The following CFAP97D2 variants were observed in gnomAD, a reference collection of about 807,000 sequenced individuals.
CFAP97D2 encodes uncharacterized protein CFAP97D2.
At chr13:114,192,726 A>G (rs2080874188) in intron 1 of CFAP97D2, among the ~76,000 whole-genome samples, 1 of 152,252 alleles carries the variant, frequency 6.6e-6, no homozygotes, top group African/African-American at 2.4e-5. Context: ...AAACATTCAT[A>G]AAATAATATC....
intron 1 of CFAP97D2, among the ~76,000 whole-genome samples, chr13:114,193,218 A>G (rs192182209): frequency 6.7e-4 from 102 of 152,334 alleles, no homozygotes; most frequent in Admixed American, 4.2e-3. Context: ...AAAACAATCA[A>G]TGGAAAAACT....
At chr13:114,198,207 G>A (rs1275042057) in intron 2 of CFAP97D2, among the ~76,000 whole-genome samples, 2 of 152,112 alleles carry the variant, frequency 1.3e-5, no homozygotes, top group Non-Finnish European at 2.9e-5. Flanking sequence ...AGGATGGTCT[G>A]ATCTCCTGAC....
At chr13:114,222,970 G>A (rs189776026), downstream of CFAP97D2, 43 of 158,316 alleles carry the variant, frequency 2.7e-4, no homozygotes, top group Admixed American at 6.5e-4. This position sits in a 1 kb window ranked among gnomAD's most constrained non-coding sequence, Gnocchi z 4.4. Context: ...TTGAGCTGTG[G>A]TGGATTTGTC....
At chr13:114,214,076 A>C (rs2080983217) in intron 4 of CFAP97D2, 1 of 152,642 alleles carries the variant, frequency 6.6e-6, no homozygotes, top group African/African-American at 2.4e-5. Flanking sequence ...CACAGACCCC[A>C]ACCCCGGACA....
chr13:114,209,750 A>T (rs1337181161), intron 3 of CFAP97D2, among the ~76,000 whole-genome samples: 1 of 152,184 alleles, frequency 6.6e-6, no homozygotes, highest in Admixed American at 6.5e-5. Context: ...TTGTGTGTTG[A>T]CCTGTCTACT....
chr13:114,211,208 GC>G lies in CFAP97D2; in HGVS notation c.291-698del, dbSNP rs1403712951. ...AACCCCTACTCTAGGCGCTTCCGCA[GC>G]CCCCCATGGCTCCCTCTCCATCCAA... On this transcript the variant is annotated intron_variant, in intron 3 of 4. Coordinates refer to ENST00000646158, the Ensembl canonical transcript of CFAP97D2. The surrounding 1 kb of genome is among the most constrained non-coding windows in gnomAD (Gnocchi z 4.2). Among the ~76,000 whole-genome samples the G allele has an allele frequency of 2.0e-5, 3 of 152,250 alleles. No individual in the cohort carries two copies. Among genetic ancestry groups the G allele is most frequent in the Admixed American group, 2.0e-4 (3 of 15,294 alleles).
At chr13:114,209,238 A>T (rs1340431526) in intron 3 of CFAP97D2, among the ~76,000 whole-genome samples, 1 of 152,246 alleles carries the variant, frequency 6.6e-6, no homozygotes, top group Non-Finnish European at 1.5e-5. Context: ...CATCCAACAC[A>T]GCTAATTTGC....
At position 114,187,137 on chromosome 13, in the gene CFAP97D2, T is replaced by C. The variant is rs1450643550; in HGVS notation, c.90+7717T>C. Among the ~76,000 whole-genome samples, 1 of 152,166 alleles carries C rather than the reference T, an allele frequency of 6.6e-6. No homozygotes were observed. Among genetic ancestry groups the C allele is most frequent in the Non-Finnish European group, 1.5e-5 (1 of 68,040 alleles). On this transcript the variant is annotated intron_variant, in intron 1 of 4. Coordinates refer to ENST00000646158, the Ensembl canonical transcript of CFAP97D2. The surrounding 1 kb of genome is among the most constrained non-coding windows in gnomAD (Gnocchi z 4.2). ...TGGACTTGAGTTATTTGTAAGTACA[T>C]ATTGCAAATCCTAGGGCAGCCATTA...
intron 2 of CFAP97D2, among the ~76,000 whole-genome samples, chr13:114,199,434 G>T (rs1273013753): frequency 5.5e-5 from 1 of 18,188 alleles, no homozygotes; most frequent in Non-Finnish European, 9.5e-5. Context: ...CGTCCCCGTG[G>T]GTACGGTCCC....
rs2080926847 is a variant in CFAP97D2 at position 114,203,379 on chromosome 13, A to G, written c.290+2936A>G. ...AAGGAAGTACAAAATTTATACTCCA[A>G]AAACTACAAACCGTCATCCACAAAA... is the stretch of plus-strand genomic sequence containing the variant. On this transcript the variant is annotated intron_variant, in intron 3 of 4. Coordinates refer to ENST00000646158, the Ensembl canonical transcript of CFAP97D2. This position sits in a 1 kb window ranked among gnomAD's most constrained non-coding sequence, Gnocchi z 4.3. 6.6e-6 allele frequency among the ~76,000 whole-genome samples: 1 copy of G among 152,256 alleles called. No homozygotes were observed. Among genetic ancestry groups the G allele is most frequent in the South Asian group, 2.1e-4 (1 of 4,834 alleles).
intron 4 of CFAP97D2, among the ~76,000 whole-genome samples, chr13:114,216,438 C>T (rs1024083533): frequency 5.9e-5 from 9 of 152,034 alleles, no homozygotes; most frequent in Non-Finnish European, 8.8e-5. Context: ...TATCCCTCCC[C>T]ACTCCCCCCA....
At position 114,219,557 on chromosome 13, in the gene CFAP97D2, A is replaced by T. The variant is rs2081010744; in HGVS notation, c.481-2941A>T. Among the ~76,000 whole-genome samples the T allele has an allele frequency of 2.0e-5, 3 of 152,362 alleles. No individual in the cohort carries two copies. In the South Asian group the frequency reaches 6.2e-4, roughly 32 times the overall value. ...GATAAAGTCAAACAAAAAAAGGGAAAACAGAAGCACTAGAAAGAGTTTCCT... is the reference window on the plus strand; with the variant it reads ...GATAAAGTCAAACAAAAAAAGGGAATACAGAAGCACTAGAAAGAGTTTCCT... On this transcript the variant is annotated intron_variant, in intron 4 of 4. Transcript: ENST00000646158.
chr13:114,206,756 A>G (rs1272341726), intron 3 of CFAP97D2, among the ~76,000 whole-genome samples: 1 of 152,212 alleles, frequency 6.6e-6, no homozygotes, highest in Non-Finnish European at 1.5e-5. Context: ...GCGTCTCCCC[A>G]TTGAACTGCA....
intron 4 of CFAP97D2, among the ~76,000 whole-genome samples, chr13:114,214,869 C>T (rs1265840695): frequency 6.6e-6 from 1 of 152,150 alleles, no homozygotes; most frequent in Non-Finnish European, 1.5e-5. Flanking sequence ...AAGTCTTCTT[C>T]ATTCCTTTTT....
chr13:114,210,417 C>G (rs1374351682), intron 3 of CFAP97D2, among the ~76,000 whole-genome samples: 3 of 152,106 alleles, frequency 2.0e-5, no homozygotes, highest in African/African-American at 7.2e-5. Flanking sequence ...TGTATTTGAC[C>G]CTCATAAAAT....
intron 4 of CFAP97D2, among the ~76,000 whole-genome samples, chr13:114,213,940 C>T (rs2080982405): frequency 6.9e-6 from 1 of 145,254 alleles, no homozygotes; most frequent in South Asian, 2.2e-4. Context: ...GACCACAGAC[C>T]CCCACCCCTA....
intron 3 of CFAP97D2, among the ~76,000 whole-genome samples, chr13:114,201,794 C>T (rs1197922667): frequency 6.6e-6 from 1 of 152,188 alleles, no homozygotes; most frequent in Non-Finnish European, 1.5e-5. Flanking sequence ...ATCTAGCTAG[C>T]TGGTCAGCCA....
chr13:114,183,675 G>A lies in CFAP97D2; in HGVS notation c.90+4255G>A, dbSNP rs150327878. ...CATGGCATAAGAGATGGAAGGCCCA[G>A]GCAGCTCTCTAAAGCCTCTTTTATT... On this transcript the variant is annotated intron_variant, in intron 1 of 4. Transcript: ENST00000646158. Among the ~76,000 whole-genome samples the A allele has an allele frequency of 2.2e-3, 338 of 152,196 alleles. 1 individual carries two copies. The highest frequency in any genetic ancestry group is 7.9e-3 in the African/African-American group (328 of 41,514).
chr13:114,201,235 T>C (rs1384207268), intron 3 of CFAP97D2, among the ~76,000 whole-genome samples: 1 of 152,190 alleles, frequency 6.6e-6, no homozygotes, highest in Non-Finnish European at 1.5e-5. Flanking sequence ...GCCCTTTCCC[T>C]GTAAGTGCAA....
Sources: allele counts gnomAD v4.1 joint callset (sites outside exome capture counted in the v4.1 genomes callset), GRCh38; gene constraint gnomAD v4.1.1; non-coding constraint Gnocchi (gnomAD v3.1); transcripts MANE v1.5; gene names NCBI Gene and HGNC (gene_info 2026-07-23, HGNC 2026-07-21).